The following MAPT variants were observed in gnomAD, a reference collection of about 807,000 sequenced individuals.
MAPT encodes the protein microtubule associated protein tau, also known as microtubule-associated protein tau.
MAPT carries 34 observed loss-of-function variants against 67.9 expected under a neutral mutation model. The ratio of observed to expected loss-of-function variants is 0.50; its 90% CI spans 0.38 to 0.67. The LOEUF (loss-of-function observed/expected upper bound fraction) is 0.67, where lower values mean the gene tolerates loss of function less well. Ranked by LOEUF, MAPT falls within the 30% of genes least tolerant of loss-of-function variation. The pLI is 0.00. For synonymous variants in MAPT, 456 were observed against 464.5 expected, an observed-to-expected ratio of 0.98 and a Z score of 0.23; for missense variants, 881 against 1,115.2, an observed-to-expected ratio of 0.79 and a Z score of 2.99.
rs1362607681 is a variant in MAPT at position 46,024,468 on chromosome 17, T to C, written c.*297T>C. ...CCAACATTTCCTCAGGCAATTCCTTTTGATTCTTTTTTCTTCCCCCTCCAT... is the reference window on the plus strand; with the variant it reads ...CCAACATTTCCTCAGGCAATTCCTTCTGATTCTTTTTTCTTCCCCCTCCAT... On this transcript the variant is annotated 3_prime_UTR_variant, in exon 13 of 13. Coordinates refer to ENST00000262410, the MANE Select transcript of MAPT (RefSeq NM_001377265.1). 3 of 494,004 alleles carry C rather than the reference T, an allele frequency of 6.1e-6. No homozygotes were observed. Among genetic ancestry groups the C allele is most frequent in the Non-Finnish European group, 1.1e-5 (3 of 270,820 alleles). 30.6% of individuals were successfully genotyped at this position (494,004 alleles called of 1,614,324 possible). A position where few individuals can be genotyped will look rare whatever the true frequency, so the allele number is the denominator to read the frequency against.
At chr17:45,957,378 T>A (rs2069856937) in intron 1 of MAPT, among the ~76,000 whole-genome samples, 1 of 152,246 alleles carries the variant, frequency 6.6e-6, no homozygotes, top group African/African-American at 2.4e-5. Flanking sequence ...ACGTGTCTGT[T>A]GGCGAACTCT....
At chr17:46,009,911 G>A (rs1015315788) in intron 9 of MAPT, among the ~76,000 whole-genome samples, 4 of 152,170 alleles carry the variant, frequency 2.6e-5, no homozygotes, top group Admixed American at 6.5e-5. Flanking sequence ...TGGAGATGCC[G>A]GGGAACTTCC....
At chr17:45,947,316 A>G (rs2068601118) in intron 1 of MAPT, among the ~76,000 whole-genome samples, 1 of 151,888 alleles carries the variant, frequency 6.6e-6, no homozygotes, top group Non-Finnish European at 1.5e-5. Context: ...GAGTATGTTT[A>G]GCATCTGAGA....
At chr17:45,917,615 C>G (rs2065306751) in intron 1 of MAPT, among the ~76,000 whole-genome samples, 1 of 152,128 alleles carries the variant, frequency 6.6e-6, no homozygotes, top group East Asian at 1.9e-4. Flanking sequence ...ACATTTGTTG[C>G]TGGAAAGTAT....
intron 1 of MAPT, among the ~76,000 whole-genome samples, chr17:45,923,846 T>C (rs948507077): frequency 6.6e-6 from 1 of 152,194 alleles, no homozygotes; most frequent in Non-Finnish European, 1.5e-5. Flanking sequence ...CCTAACTGCA[T>C]GAATTTGGGC....
rs1598427172 is a variant in MAPT at position 46,024,760 on chromosome 17, G to A, written c.*589G>A. 1 of 183,096 alleles carries A rather than the reference G, an allele frequency of 5.5e-6. No homozygotes were observed. The highest frequency in any genetic ancestry group is 1.4e-4 in the East Asian group (1 of 7,290). The allele number at this position is 183,096 out of a possible 1,614,324, so 11.3% of individuals were successfully genotyped here. On this transcript the variant is annotated 3_prime_UTR_variant, in exon 13 of 13. Transcript: ENST00000262410. ...GGGAGAGGAAGCACAAGAAGTGGGAGTGGGAGAGGAAGCCACGTGCTGGAG... is the reference window on the plus strand; with the variant it reads ...GGGAGAGGAAGCACAAGAAGTGGGAATGGGAGAGGAAGCCACGTGCTGGAG...
chr17:46,000,379 G>C (rs931035850), intron 9 of MAPT, among the ~76,000 whole-genome samples: 1 of 152,140 alleles, frequency 6.6e-6, no homozygotes, highest in Non-Finnish European at 1.5e-5. Context: ...ATTTTGAAAG[G>C]AAAATGCAGA....
rs577501443 is a variant in MAPT, at chr17:45,996,452, G to A, written c.1786G>A (p.Gly596Ser). The A allele has an allele frequency of 6.2e-7, 1 of 1,612,580 alleles. No individual in the cohort carries two copies. Among genetic ancestry groups the A allele is most frequent in the East Asian group, 2.2e-5 (1 of 44,862 alleles). The change falls in exon 9 of 13, where the codon GGC (glycine) becomes AGC (serine). Residue 596 changes from glycine (G) to serine (S), a missense_variant. By Grantham distance (56) the Gly-to-Ser change is moderately conservative. Transcript: ENST00000262410. This position sits in a 1 kb window ranked among gnomAD's most constrained non-coding sequence, Gnocchi z 4.5. ...RSGYSSPGSP[G>S]TPGSRSRTPS... is the part of the protein sequence containing the mutation. Reference sequence around the variant, plus strand: ...CGGCTACAGCAGCCCCGGCTCCCCAGGCACTCCCGGCAGCCGCTCCCGCAC... The same window carrying A: ...CGGCTACAGCAGCCCCGGCTCCCCAAGCACTCCCGGCAGCCGCTCCCGCAC...
chr17:45,974,463 G>T, intron 3 of MAPT: 2 of 1,604,424 alleles, frequency 1.2e-6, no homozygotes, highest in Non-Finnish European at 8.5e-7. Flanking sequence ...ATCCCAGAAG[G>T]AACCACAGGT....
chr17:45,943,412 C>T lies in MAPT; in HGVS notation c.-17-18909C>T, dbSNP rs117163161. Among the ~76,000 whole-genome samples the T allele has an allele frequency of 1.4e-4, 22 of 152,252 alleles. No homozygotes were observed. In the East Asian group the frequency reaches 3.7e-3, roughly 25 times the overall value. ...CTGTTTATCTTCTGTCCCTCCAAGA[C>T]GGTGCTGAGCTCAGGTCGTTCATTA... On this transcript the variant is annotated intron_variant, in intron 1 of 12. Transcript: ENST00000262410.
At chr17:45,940,504 G>A (rs531132319) in intron 1 of MAPT, among the ~76,000 whole-genome samples, 3 of 152,306 alleles carry the variant, frequency 2.0e-5, no homozygotes, top group South Asian at 2.1e-4. Context: ...TGATGTCATC[G>A]TTGTCATGAT....
At chr17:45,927,387 G>C (rs182417280) in intron 1 of MAPT, among the ~76,000 whole-genome samples, 1 of 152,242 alleles carries the variant, frequency 6.6e-6, no homozygotes, top group African/African-American at 2.4e-5. Context: ...ACCCAAGTGT[G>C]GGAGGCCCAG....
Position 45,971,808 on chromosome 17 carries a change from G to C in MAPT, c.134-51G>C, listed in dbSNP as rs1221672153. The C allele has an allele frequency of 7.7e-7, 1 of 1,300,896 alleles. No individual in the cohort carries two copies. The allele number at this position is 1,300,896 out of a possible 1,614,324, so 80.6% of individuals were successfully genotyped here. On this transcript the variant is annotated intron_variant, in intron 2 of 12. Transcript: ENST00000262410. The surrounding 1 kb of genome is among the most constrained non-coding windows in gnomAD (Gnocchi z 4.3). Reference sequence around the variant, plus strand: ...CCCCAGTTCCTCCTGAGAACAAAAGGGGGCGCTGGGGAGAGGCCACCGTTC... The same window carrying C: ...CCCCAGTTCCTCCTGAGAACAAAAGCGGGCGCTGGGGAGAGGCCACCGTTC...
At position 45,992,260 on chromosome 17, in the gene MAPT, C is replaced by T. The variant is rs1210733429; in HGVS notation, c.1732+674C>T. Among the ~76,000 whole-genome samples, 3 of 152,216 alleles carry T rather than the reference C, an allele frequency of 2.0e-5. No homozygotes were observed. The East Asian group carries it at 5.8e-4, about 29-fold the overall frequency. On this transcript the variant is annotated intron_variant, in intron 8 of 12. Transcript: ENST00000262410. The stretch of plus-strand genomic sequence containing the variant: ...ATGCAGTCACATGACTACTAAGTGG[C>T]AGCTCTCGGAGCCTCTCTGGCCCCA...
intron 1 of MAPT, among the ~76,000 whole-genome samples, chr17:45,905,789 G>A (rs2064265684): frequency 6.6e-6 from 1 of 152,220 alleles, no homozygotes; most frequent in South Asian, 2.1e-4. Context: ...GGATGATAAT[G>A]TGGTCTCTCT....
At chr17:45,946,715 C>G (rs1236687123) in intron 1 of MAPT, among the ~76,000 whole-genome samples, 1 of 149,608 alleles carries the variant, frequency 6.7e-6, no homozygotes, top group Non-Finnish European at 1.5e-5. Context: ...GATTTACAAG[C>G]ACTATTGGCT....
At chr17:45,961,024 A>G (rs766591224) in intron 1 of MAPT, among the ~76,000 whole-genome samples, 1 of 152,070 alleles carries the variant, frequency 6.6e-6, no homozygotes, top group Non-Finnish European at 1.5e-5. Context: ...GAACAAAACC[A>G]CTGTGCTCAT....
At chr17:45,987,955 C>A (rs1454914408) in intron 6 of MAPT, among the ~76,000 whole-genome samples, 1 of 152,168 alleles carries the variant, frequency 6.6e-6, no homozygotes, top group Non-Finnish European at 1.5e-5. Flanking sequence ...TTGTTCCTTC[C>A]TTCATTCATT....
At chr17:45,967,553 A>C (rs1355696321) in intron 2 of MAPT, among the ~76,000 whole-genome samples, 1 of 152,222 alleles carries the variant, frequency 6.6e-6, no homozygotes, top group Non-Finnish European at 1.5e-5. Flanking sequence ...GTTCAGGATT[A>C]GCTGTTCTTT....
Sources: gnomAD v4.1 joint callset for allele counts (sites outside exome capture counted in the v4.1 genomes callset) on GRCh38, gnomAD v4.1.1 for gene constraint, Gnocchi (gnomAD v3.1) non-coding constraint, MANE v1.5 for transcripts, NCBI Gene and HGNC (gene_info 2026-07-23, HGNC 2026-07-21) for gene names.